The following UNKL variants were observed in gnomAD, a reference collection of about 807,000 sequenced individuals.
The protein encoded by UNKL is unk like zinc finger.
UNKL carries 60 observed loss-of-function variants against 78.0 expected under a neutral mutation model. That is an observed-to-expected ratio of 0.77 (90% CI 0.63 to 0.95). The LOEUF (loss-of-function observed/expected upper bound fraction) is 0.95. Among genes scored for constraint, UNKL ranks in the 40% least tolerant of loss-of-function variants. UNKL has a pLI of 0.00. For synonymous variants in UNKL, 608 were observed against 474.8 expected, an observed-to-expected ratio of 1.28 and a Z score of -3.65; for missense variants, 1,159 against 1,045.7, an observed-to-expected ratio of 1.11 and a Z score of -1.49.
chr16:1,369,953 C>T (rs1166486431), intron 12 of UNKL, 177 bp downstream of exon 12: 15 of 1,549,378 alleles, frequency 9.7e-6, no homozygotes, highest in East Asian at 2.4e-5. Context: ...CCAACCTGGG[C>T]GACAGAGCGA....
intron 8 of UNKL, among the ~76,000 whole-genome samples, chr16:1,390,907 G>A (rs2037019584): frequency 6.6e-6 from 1 of 152,112 alleles, no homozygotes; most frequent in African/African-American, 2.4e-5. Flanking sequence ...GCACATGCCT[G>A]TAGTTTCAGC....
intron 10 of UNKL, among the ~76,000 whole-genome samples, chr16:1,371,830 G>A (rs948026196): frequency 7.2e-5 from 11 of 152,230 alleles, no homozygotes; most frequent in Non-Finnish European, 1.2e-4. Context: ...AAACGAGCGT[G>A]CTCAGGTGGG....
In UNKL at chr16:1,387,741, C is replaced by T. The variant is rs567993392; in HGVS notation, c.1087-2356G>A. ...CTGCACAGCCGCACGGCTGCCCGGC[C>T]CTCCGGGGACGTGGACACTGCACCG... On this transcript the variant is annotated intron_variant, in intron 9 of 14. Transcript: ENST00000389221. This position sits in a 1 kb window ranked among gnomAD's most constrained non-coding sequence, Gnocchi z 4.1. 2.6e-5 allele frequency among the ~76,000 whole-genome samples: 4 copies of T among 152,182 alleles called. No homozygotes were observed. The highest frequency in any genetic ancestry group is 5.9e-5 in the Non-Finnish European group (4 of 68,030).
intron 2 of UNKL, among the ~76,000 whole-genome samples, chr16:1,407,050 G>C (rs2037796218): frequency 6.6e-6 from 1 of 151,910 alleles, no homozygotes; most frequent in African/African-American, 2.4e-5. Context: ...TCGGGAGGTT[G>C]AGGCAGGAGA....
In UNKL at chr16:1,363,266, C is replaced by T. The variant is rs919410388; in HGVS notation, c.*2974G>A. The T allele has an allele frequency of 1.5e-6, 1 of 664,928 alleles. No homozygotes were observed. The highest frequency in any genetic ancestry group is 2.8e-5 in the East Asian group (1 of 36,128). 41.2% of individuals were successfully genotyped at this position (664,928 alleles called of 1,614,324 possible). A position where few individuals can be genotyped will look rare whatever the true frequency, so the allele number is the denominator to read the frequency against. ...AAAATAACTCCATGAATTCTGTAAA[C>T]CATTGCATAAATGCTATAGTGTAAA... On this transcript the variant is annotated 3_prime_UTR_variant, in exon 15 of 15. Coordinates refer to ENST00000389221, the MANE Select transcript of UNKL (RefSeq NM_001372107.1).
At chr16:1,382,862 G>A (rs955544695) in intron 10 of UNKL, among the ~76,000 whole-genome samples, 1 of 151,708 alleles carries the variant, frequency 6.6e-6, no homozygotes, top group Non-Finnish European at 1.5e-5. Context: ...GGAGGCTGAG[G>A]CAGGAGAATC....
Position 1,370,283 on chromosome 16 carries a change from G to C in UNKL, c.1432C>G (p.Pro478Ala). ...SLPRAPSLHS[P>A]SSASTSPLGS... ...AGCGGCGAGGTGGACGCAGAGGATG[G>C]CGAGTGTAGCGATGGTGCTCTGGGC... Residue 478 changes from proline (P) to alanine (A), a missense_variant, in exon 12 of 15, where the codon CCA becomes GCA. Physicochemically the swap from Pro to Ala is conservative, Grantham distance 27. Coordinates refer to ENST00000389221, the MANE Select transcript of UNKL (RefSeq NM_001372107.1). 1 of 1,534,150 alleles carries C rather than the reference G, an allele frequency of 6.5e-7. No homozygotes were observed. Among genetic ancestry groups the C allele is most frequent in the Non-Finnish European group, 8.7e-7 (1 of 1,145,314 alleles).
intron 2 of UNKL, chr16:1,405,947 T>TC (rs774415581): frequency 2.2e-6 from 1 of 456,498 alleles, no homozygotes; most frequent in Non-Finnish European, 4.4e-6. Context: ...TAACACATTC[T>TC]CGAGACTGCG....
chr16:1,409,309 T>A (rs2037927530), intron 2 of UNKL, among the ~76,000 whole-genome samples: 1 of 152,048 alleles, frequency 6.6e-6, no homozygotes, highest in African/African-American at 2.4e-5. Context: ...CAACCCTTAA[T>A]GAGAACCAGA....
At chr16:1,401,773 G>A in intron 3 of UNKL, 72 bp from the exon 4 acceptor site, 1 of 1,534,276 alleles carries the variant, frequency 6.5e-7, no homozygotes, top group Non-Finnish European at 8.8e-7. Flanking sequence ...GTCACTGGAG[G>A]GCACGCTCCC....
intron 8 of UNKL, among the ~76,000 whole-genome samples, chr16:1,391,507 T>C (rs1270440317): frequency 2.0e-5 from 3 of 152,070 alleles, no homozygotes; most frequent in Non-Finnish European, 2.9e-5. Context: ...TTATGTTGCC[T>C]AGGCGGGTCT....
Position 1,398,794 on chromosome 16 carries a change from G to A in UNKL, c.734+580C>T, listed in dbSNP as rs79473743. On this transcript the variant is annotated intron_variant, in intron 5 of 14. Transcript: ENST00000389221. ...AGAAAGGGGCTTCAGAGGCAAGCAG[G>A]CTGCGAGGTGCCAAACCCACAAGCC... 2,918 of 1,542,316 alleles carry A rather than the reference G, an allele frequency of 1.9e-3. 41 individuals are homozygous for A. In the African/African-American group the frequency reaches 0.034, roughly 18 times the overall value.
In UNKL at chr16:1,370,185, G is replaced by A. The variant is rs2035685549; in HGVS notation, c.1530C>T (p.Pro510=). The A allele has an allele frequency of 6.6e-7, 1 of 1,519,280 alleles. No homozygotes were observed. The highest frequency in any genetic ancestry group is 8.9e-7 in the Non-Finnish European group (1 of 1,129,172). 94.1% of individuals were successfully genotyped at this position (1,519,280 alleles called of 1,614,324 possible). A position where few individuals can be genotyped will look rare whatever the true frequency, so the allele number is the denominator to read the frequency against. The change falls in exon 12 of 15, where the codon CCC becomes CCT. Residue 510 remains proline, a synonymous_variant. Coordinates refer to ENST00000389221, the MANE Select transcript of UNKL (RefSeq NM_001372107.1). ...SAMTPPQQPP[P]LRSEPGTLGS... ...CCAGTGTGCCCGGCTCTGAACGCAG[G>A]GGTGGCGGCTGCTGGGGAGGCGTCA...
rs757707991 is a variant in UNKL at position 1,363,282 on chromosome 16, A to G, written c.*2958T>C. Reference sequence around the variant, plus strand: ...TTCTGTAAACCATTGCATAAATGCTATAGTGTAAAAAAATTTAAACAAGTG... The same window carrying G: ...TTCTGTAAACCATTGCATAAATGCTGTAGTGTAAAAAAATTTAAACAAGTG... On this transcript the variant is annotated 3_prime_UTR_variant, in exon 15 of 15. Transcript: ENST00000389221. 9.7e-6 allele frequency: 6 copies of G among 616,604 alleles called. No individual in the cohort carries two copies. The highest frequency in any genetic ancestry group is 2.9e-5 in the East Asian group (1 of 34,984). The allele number at this position is 616,604 out of a possible 1,614,324, so 38.2% of individuals were successfully genotyped here.
intron 2 of UNKL, chr16:1,412,270 A>C (rs901575172): frequency 6.6e-6 from 1 of 152,278 alleles, no homozygotes; most frequent in South Asian, 2.1e-4. Context: ...CTTGTAAAAA[A>C]AGAAAAAAAT....
intron 10 of UNKL, chr16:1,383,773 G>A (rs1027112727): frequency 9.2e-6 from 4 of 433,808 alleles, no homozygotes; most frequent in Non-Finnish European, 1.9e-5. Flanking sequence ...GATGGTGCTG[G>A]GGTCCCACTC....
rs200794008 is a variant in UNKL at position 1,399,666 on chromosome 16, AAGGACTCGCGCTCCATG to A, written c.599-174_599-158del. 1,082 of 1,121,164 alleles carry A rather than the reference AAGGACTCGCGCTCCATG, an allele frequency of 9.7e-4. 13 individuals are homozygous for A. In the African/African-American group the frequency reaches 0.015, roughly 16 times the overall value. 69.5% of individuals were successfully genotyped at this position (1,121,164 alleles called of 1,614,324 possible). A position where few individuals can be genotyped will look rare whatever the true frequency, so the allele number is the denominator to read the frequency against. ...CACGCCACGGCACACGCTGATGTCA[AAGGACTCGCGCTCCATG>A]AGGGAAGCCGGGCCAGAAGGCCACG... On this transcript the variant is annotated intron_variant, in intron 4 of 14. Transcript: ENST00000389221. The surrounding 1 kb of genome is among the most constrained non-coding windows in gnomAD (Gnocchi z 5.8).
At position 1,403,001 on chromosome 16, in the gene UNKL, A is replaced by G. The variant is rs539432578; in HGVS notation, c.464+167T>C. The stretch of plus-strand genomic sequence containing the variant: ...AACGAGAATCCGTCTCAAAAAAAGC[A>G]AAAAAAGGACTAACATCCAGACTCA... On this transcript the variant is annotated intron_variant, in intron 3 of 14. Transcript: ENST00000389221. The surrounding 1 kb of genome is among the most constrained non-coding windows in gnomAD (Gnocchi z 4.8). Among the ~76,000 whole-genome samples the G allele has an allele frequency of 6.6e-6, 1 of 152,292 alleles. No individual in the cohort carries two copies. The highest frequency in any genetic ancestry group is 2.4e-5 in the African/African-American group (1 of 41,560).
chr16:1,366,150 G>A lies in UNKL; in HGVS notation c.*90C>T, dbSNP rs942889554. On this transcript the variant is annotated 3_prime_UTR_variant, in exon 15 of 15. Transcript: ENST00000389221. ...GCTCCCAGCCTCGGTCCTCACGTCG[G>A]TGGCACCAGAAGCGAGTGACGACAT... 8 of 1,366,790 alleles carry A rather than the reference G, an allele frequency of 5.9e-6. No homozygotes were observed. The African/African-American group carries it at 1.0e-4, about 18-fold the overall frequency. The allele number at this position is 1,366,790 out of a possible 1,614,324, so 84.7% of individuals were successfully genotyped here. A position where few individuals can be genotyped will look rare whatever the true frequency, so the allele number is the denominator to read the frequency against.
Sources: gnomAD v4.1 joint callset for allele counts (sites outside exome capture counted in the v4.1 genomes callset) on GRCh38, gnomAD v4.1.1 for gene constraint, Gnocchi (gnomAD v3.1) non-coding constraint, MANE v1.5 for transcripts, NCBI Gene and HGNC (gene_info 2026-07-23, HGNC 2026-07-21) for gene names.